Variants in PHACTR4 observed in about 807,000 individuals in gnomAD.
The protein encoded by PHACTR4 is protein phosphatase 1, regulatory subunit 124.
PHACTR4 carries 51 observed loss-of-function variants against 72.7 expected under a neutral mutation model. The ratio of observed to expected loss-of-function variants is 0.70; its 90% CI spans 0.56 to 0.89. PHACTR4 has a LOEUF of 0.89. Among genes scored for constraint, PHACTR4 ranks in the 40% least tolerant of loss-of-function variants. PHACTR4 has a pLI of 0.00. For synonymous variants in PHACTR4, 255 were observed against 302.5 expected (o/e 0.84, Z 1.63); for missense variants, 731 against 861.8 (o/e 0.85, Z 1.90).
At chr1:28,388,353 C>A (rs951526757) in intron 1 of PHACTR4, among the ~76,000 whole-genome samples, 2 of 152,160 alleles carry the variant, frequency 1.3e-5, no homozygotes, top group African/African-American at 4.8e-5. Context: ...CAGCGTGGAT[C>A]TGCCATAAAA....
chr1:28,400,742 G>T (rs1468738538), intron 1 of PHACTR4, among the ~76,000 whole-genome samples: 1 of 152,076 alleles, frequency 6.6e-6, no homozygotes, highest in Non-Finnish European at 1.5e-5. Flanking sequence ...ACCACGCCCT[G>T]CTAATTTTTG....
chr1:28,389,233 C>A (rs1247100824), intron 1 of PHACTR4, among the ~76,000 whole-genome samples: 3 of 151,934 alleles, frequency 2.0e-5, no homozygotes, highest in Non-Finnish European at 2.9e-5. Context: ...AAATGGCCAA[C>A]AAGTATATGA....
At chr1:28,460,409 G>A in intron 4 of PHACTR4, 117 bp downstream of exon 4, 1 of 719,842 alleles carries the variant, frequency 1.4e-6, no homozygotes, top group Non-Finnish European at 2.2e-6. Context: ...GGGTTGGAGG[G>A]TGGCCTTTAA....
intron 2 of PHACTR4, among the ~76,000 whole-genome samples, chr1:28,431,914 G>A (rs1656290482): frequency 6.6e-6 from 1 of 152,018 alleles, no homozygotes; most frequent in African/African-American, 2.4e-5. Flanking sequence ...TGGGCTTTTA[G>A]GAAAATAATA....
At chr1:28,394,684 G>C (rs759445756) in intron 1 of PHACTR4, among the ~76,000 whole-genome samples, 44 of 151,072 alleles carry the variant, frequency 2.9e-4, no homozygotes, top group Non-Finnish European at 5.6e-4. Flanking sequence ...ACAACCTCTG[G>C]CTCCCAGGTT....
chr1:28,485,395 T>C (rs1660570705), intron 9 of PHACTR4, among the ~76,000 whole-genome samples: 2 of 152,036 alleles, frequency 1.3e-5, no homozygotes, highest in South Asian at 4.2e-4. Flanking sequence ...AAGACCAGCC[T>C]GGCCAACGTG....
intron 6 of PHACTR4, among the ~76,000 whole-genome samples, chr1:28,470,535 C>G (rs182137384): frequency 7.4e-5 from 9 of 122,230 alleles, no homozygotes; most frequent in African/African-American, 4.5e-4. Flanking sequence ...CAAAAAATAC[C>G]CCCCCCAAAA....
At chr1:28,474,585 C>G (rs1041905405) in intron 7 of PHACTR4, among the ~76,000 whole-genome samples, 1 of 150,976 alleles carries the variant, frequency 6.6e-6, no homozygotes, top group Non-Finnish European at 1.5e-5. Context: ...CTCTGTCACC[C>G]GGGCTGGAGT....
chr1:28,392,523 C>G (rs1338693538), intron 1 of PHACTR4, among the ~76,000 whole-genome samples: 1 of 151,952 alleles, frequency 6.6e-6, no homozygotes, highest in African/African-American at 2.4e-5. Flanking sequence ...GCACCTCAGC[C>G]TCCAGAGTAG....
Position 28,459,067 on chromosome 1 carries a change from CTTCTT to C in PHACTR4, c.17-14_17-10del, listed in dbSNP as rs1457422951. Reference sequence around the variant, plus strand: ...ATAATACATTTGCTTCCTTCCCTCTCTTCTTTTCATGTAACAGAGGAAGCAGACCA... The same window carrying C: ...ATAATACATTTGCTTCCTTCCCTCTCTTCATGTAACAGAGGAAGCAGACCA... On this transcript the variant is annotated splice_polypyrimidine_tract_variant and intron_variant, in intron 2 of 13. Transcript: ENST00000373839. 1.3e-6 allele frequency: 2 copies of C among 1,579,552 alleles called. No homozygotes were observed. The highest frequency in any genetic ancestry group is 2.7e-5 in the African/African-American group (2 of 73,484).
At chr1:28,493,163 C>A in intron 13 of PHACTR4, 72 bp downstream of exon 13, 1 of 1,240,904 alleles carries the variant, frequency 8.1e-7, no homozygotes, top group South Asian at 1.2e-5. Context: ...ATATGAAGGG[C>A]TCTAATGACA....
At chr1:28,446,537 T>C (rs1042041651) in intron 2 of PHACTR4, among the ~76,000 whole-genome samples, 1 of 152,120 alleles carries the variant, frequency 6.6e-6, no homozygotes, top group Non-Finnish European at 1.5e-5. Context: ...TCCCAGCACT[T>C]TGGGAGGCCG....
chr1:28,460,001 G>C (rs1335273340), intron 3 of PHACTR4, among the ~76,000 whole-genome samples: 1 of 152,152 alleles, frequency 6.6e-6, no homozygotes, highest in African/African-American at 2.4e-5. Flanking sequence ...ATTATGTAAG[G>C]CTAGTTTTTT....
chr1:28,407,355 A>G (rs1231934287), intron 1 of PHACTR4, 55 bp from the exon 2 acceptor site: 3 of 931,034 alleles, frequency 3.2e-6, no homozygotes, highest in Middle Eastern at 4.7e-4. Flanking sequence ...TTAAAAGCAT[A>G]AAAGGTGATG....
chr1:28,384,873 CAG>C (rs1364902670), intron 1 of PHACTR4, among the ~76,000 whole-genome samples: 8 of 152,128 alleles, frequency 5.3e-5, no homozygotes, highest in African/African-American at 1.9e-4. Flanking sequence ...GCCTGGACAA[CAG>C]AGTGAGACTC....
intron 2 of PHACTR4, among the ~76,000 whole-genome samples, chr1:28,456,527 G>A (rs756057027): frequency 1.3e-5 from 2 of 152,154 alleles, no homozygotes; most frequent in Admixed American, 6.5e-5. Flanking sequence ...GCAGTGGCAC[G>A]ATCACAGCTC....
intron 6 of PHACTR4, 128 bp downstream of exon 6, chr1:28,466,896 C>T: frequency 7.5e-7 from 1 of 1,341,442 alleles, no homozygotes. Context: ...TTTGAATGAC[C>T]TCAATATGGA....
chr1:28,377,131 T>C (rs1022443395), intron 1 of PHACTR4, among the ~76,000 whole-genome samples: 3 of 151,744 alleles, frequency 2.0e-5, no homozygotes. Context: ...GGTTTCGCCA[T>C]GTTGGCCAGG....
chr1:28,454,090 G>GGC lies in PHACTR4; in HGVS notation c.17-4994_17-4993dup, dbSNP rs559287450. Among the ~76,000 whole-genome samples the GGC allele has an allele frequency of 2.0e-5, 3 of 151,862 alleles. No homozygotes were observed. In the South Asian group the frequency reaches 6.2e-4, roughly 32 times the overall value. On this transcript the variant is annotated intron_variant, in intron 2 of 13. Coordinates refer to ENST00000373839, the MANE Select transcript of PHACTR4 (RefSeq NM_001048183.3). ...TTTTTTTTAATTAGCCAGGTGTAGT[G>GGC]GCACACGCTTTTAATCCCAGCTGCT...
Sources: gnomAD v4.1 joint callset for allele counts (sites outside exome capture counted in the v4.1 genomes callset) on GRCh38, gnomAD v4.1.1 for gene constraint, MANE v1.5 for transcripts, NCBI Gene and HGNC (gene_info 2026-07-23, HGNC 2026-07-21) for gene names.